The following TEX2 variants were observed in gnomAD, a reference collection of about 807,000 sequenced individuals.
TEX2 encodes testis expressed 2, also known as testis-expressed protein 2.
A neutral mutation model predicts 106.9 loss-of-function variants in TEX2; 53 were observed. The ratio of observed to expected loss-of-function variants is 0.50; its 90% CI spans 0.40 to 0.62. The LOEUF (loss-of-function observed/expected upper bound fraction) is 0.62. TEX2 is among the 20% of genes least tolerant of loss of function. TEX2 has a pLI of 0.00. For missense variants in TEX2, 1,207 were observed against 1,379.0 expected (o/e 0.88, Z 1.98); for synonymous variants, 523 against 534.8 (o/e 0.98, Z 0.30).
intron 1 of TEX2, among the ~76,000 whole-genome samples, chr17:64,261,658 C>G (rs1229520834): frequency 6.6e-6 from 1 of 152,160 alleles, no homozygotes; most frequent in Non-Finnish European, 1.5e-5. Flanking sequence ...AACATGCAAG[C>G]AAGTTCAGTT....
rs117557555 is a variant in TEX2, at chr17:64,160,362, C to T, written c.2804+439G>A. On this transcript the variant is annotated intron_variant, in intron 8 of 11. Transcript: ENST00000584379. ...CTTCTCAAAACACTTTTAGGAGCAC[C>T]CTCTGTGCTACAAAATCAATCATCT... 4.8e-3 allele frequency among the ~76,000 whole-genome samples: 730 copies of T among 152,230 alleles called. 6 individuals are homozygous for T. The highest frequency in any genetic ancestry group is 0.026 in the South Asian group (125 of 4,820).
intron 7 of TEX2, among the ~76,000 whole-genome samples, chr17:64,163,470 C>T (rs993084880): frequency 6.6e-6 from 1 of 152,148 alleles, no homozygotes; most frequent in Non-Finnish European, 1.5e-5. Context: ...TAAAAGCAGA[C>T]ATGAATGGTA....
At chr17:64,251,678 G>A (rs2034095359) in intron 1 of TEX2, among the ~76,000 whole-genome samples, 1 of 152,170 alleles carries the variant, frequency 6.6e-6, no homozygotes, top group Non-Finnish European at 1.5e-5. Context: ...GTAGCCCTCA[G>A]GAAGAGAGAG....
chr17:64,170,523 C>A lies in TEX2; in HGVS notation c.2671+577G>T, dbSNP rs148747036. Reference sequence around the variant, plus strand: ...GCTGCAACCCCTACAAAAGCACAGGCCCCATCAGCTGGCATGTGTGCATCA... The same window carrying A: ...GCTGCAACCCCTACAAAAGCACAGGACCCATCAGCTGGCATGTGTGCATCA... On this transcript the variant is annotated intron_variant, in intron 7 of 11. Coordinates refer to ENST00000584379, the MANE Select transcript of TEX2 (RefSeq NM_001288732.2). Among the ~76,000 whole-genome samples, 438 of 152,026 alleles carry A rather than the reference C, an allele frequency of 2.9e-3. 2 individuals carry two copies. Among genetic ancestry groups the A allele is most frequent in the African/African-American group, 9.7e-3 (402 of 41,496 alleles).
chr17:64,262,983 C>A (rs2034324240), intron 1 of TEX2, among the ~76,000 whole-genome samples, 185 bp downstream of exon 1: 2 of 151,992 alleles, frequency 1.3e-5, no homozygotes, highest in South Asian at 4.1e-4. Flanking sequence ...CCGGGGGTGT[C>A]GCGGGTGGGC....
chr17:64,233,602 G>A (rs1247181175), intron 1 of TEX2, among the ~76,000 whole-genome samples: 1 of 151,990 alleles, frequency 6.6e-6, no homozygotes, highest in Non-Finnish European at 1.5e-5. Context: ...AAAAACACAT[G>A]CATACCCAGA....
At chr17:64,151,068 T>C in intron 10 of TEX2, 107 bp from the exon 11 acceptor site, 1 of 1,280,468 alleles carries the variant, frequency 7.8e-7, no homozygotes, top group Non-Finnish European at 1.1e-6. Context: ...CTACTTAAAA[T>C]GTTATTTTCT....
At chr17:64,186,790 C>T (rs1393488881) in intron 5 of TEX2, among the ~76,000 whole-genome samples, 1 of 152,096 alleles carries the variant, frequency 6.6e-6, no homozygotes, top group African/African-American at 2.4e-5. Context: ...CACGACACTG[C>T]ACTCCAGCCT....
Position 64,171,121 on chromosome 17 carries a change from T to G in TEX2, c.2650A>C (p.Lys884Gln). 6.2e-7 allele frequency: 1 copy of G among 1,614,072 alleles called. No homozygotes were observed. The highest frequency in any genetic ancestry group is 1.3e-5 in the African/African-American group (1 of 75,052). Residue 884 changes from lysine (K) to glutamine (Q), a missense_variant, in exon 7 of 12, where the codon AAG (lysine) becomes CAG (glutamine). Transcript: ENST00000584379. ...TTACCTTGGTGATCAACGTAAGGCT[T>G]GAAGGCCTGGAGGATTTTTGGCACA... ...VAVPKILQAFKPYVDHQGLWI... is the reference protein window; with the variant it reads ...VAVPKILQAFQPYVDHQGLWI...
intron 1 of TEX2, among the ~76,000 whole-genome samples, chr17:64,257,788 A>G (rs1241015532): frequency 6.6e-6 from 1 of 152,234 alleles, no homozygotes; most frequent in Non-Finnish European, 1.5e-5. Flanking sequence ...TGCTTCCTTT[A>G]AGTGAAAAAG....
chr17:64,263,028 G>C (rs941219178), intron 1 of TEX2, 140 bp downstream of exon 1: 1 of 152,094 alleles, frequency 6.6e-6, no homozygotes, highest in Admixed American at 6.5e-5. Context: ...ACAGCGGGGT[G>C]GGGGGCCGAG....
intron 2 of TEX2, among the ~76,000 whole-genome samples, chr17:64,206,054 T>C (rs2032818206): frequency 6.6e-6 from 1 of 152,232 alleles, no homozygotes; most frequent in East Asian, 1.9e-4. Flanking sequence ...GCAACAGGAA[T>C]GGCTCTGAAT....
rs1477836611 is a variant in TEX2, at chr17:64,203,575, C to T, written c.1645-8480G>A. Among the ~76,000 whole-genome samples, 4 of 152,204 alleles carry T rather than the reference C, an allele frequency of 2.6e-5. No homozygotes were observed. The South Asian group carries it at 8.3e-4, about 32-fold the overall frequency. On this transcript the variant is annotated intron_variant, in intron 2 of 11. Coordinates refer to ENST00000584379, the MANE Select transcript of TEX2 (RefSeq NM_001288732.2). ...TAGATCATGGAGTTTGAGAATATGG[C>T]AGGGGTGGGACCGTCTAATAAACTT...
Position 64,155,173 on chromosome 17 carries a change from C to G in TEX2, c.2805-206G>C, listed in dbSNP as rs531536069. The G allele has an allele frequency of 2.3e-3, 1,157 of 501,934 alleles. 4 individuals carry two copies. Among genetic ancestry groups the G allele is most frequent in the Non-Finnish European group, 3.3e-3 (1,025 of 315,066 alleles). 31.1% of individuals were successfully genotyped at this position (501,934 alleles called of 1,614,324 possible). A position where few individuals can be genotyped will look rare whatever the true frequency, so the allele number is the denominator to read the frequency against. On this transcript the variant is annotated intron_variant, in intron 8 of 11. Transcript: ENST00000584379. The stretch of plus-strand genomic sequence containing the variant: ...GATCAGCGCAGATGCTCAGGACACT[C>G]TTCAGCACCAAGGCCTCTGACAGGA...
intron 7 of TEX2, among the ~76,000 whole-genome samples, chr17:64,166,196 G>C (rs925564990): frequency 2.0e-5 from 3 of 152,216 alleles, no homozygotes; most frequent in Admixed American, 1.3e-4. Context: ...ACAGTGGCCG[G>C]AGAGCAGCAG....
At position 64,155,280 on chromosome 17, in the gene TEX2, A is replaced by G. The variant is rs144596817; in HGVS notation, c.2805-313T>C. 4.3e-4 allele frequency: 107 copies of G among 248,250 alleles called. No homozygotes were observed. In the East Asian group the frequency reaches 6.0e-3, roughly 14 times the overall value. 15.4% of individuals were successfully genotyped at this position (248,250 alleles called of 1,614,324 possible). A position where few individuals can be genotyped will look rare whatever the true frequency, so the allele number is the denominator to read the frequency against. On this transcript the variant is annotated intron_variant, in intron 8 of 11. Transcript: ENST00000584379. ...GAGGTGGGAGTGTGATGCGCACATA[A>G]AATGCAGTGATTTCAACCAGCAGTG...
At chr17:64,160,278 C>T (rs2030823292) in intron 8 of TEX2, among the ~76,000 whole-genome samples, 1 of 152,168 alleles carries the variant, frequency 6.6e-6, no homozygotes, top group African/African-American at 2.4e-5. Context: ...AGCAGATACA[C>T]TATCTACAAA....
intron 4 of TEX2, among the ~76,000 whole-genome samples, chr17:64,190,295 T>C (rs915617392): frequency 1.3e-5 from 2 of 152,186 alleles, no homozygotes; most frequent in Admixed American, 6.5e-5. Context: ...TAATATTACA[T>C]TTAATATCCT....
At chr17:64,178,829 T>C (rs917103378) in intron 5 of TEX2, among the ~76,000 whole-genome samples, 1 of 152,258 alleles carries the variant, frequency 6.6e-6, no homozygotes, top group Non-Finnish European at 1.5e-5. Context: ...TGTGCATTCG[T>C]GCCAGTGCTA....
Sources: gnomAD v4.1 joint callset for allele counts (sites outside exome capture counted in the v4.1 genomes callset) on GRCh38, gnomAD v4.1.1 for gene constraint, MANE v1.5 for transcripts, NCBI Gene and HGNC (gene_info 2026-07-23, HGNC 2026-07-21) for gene names.